The following WWOX variants were observed in gnomAD, a reference collection of about 807,000 sequenced individuals.
The protein encoded by WWOX is WW domain-containing oxidoreductase.
In WWOX, 69 loss-of-function variants were observed where a neutral mutation model predicts 46.2. That is an observed-to-expected ratio of 1.49 (90% CI 1.23 to 1.82). The LOEUF (loss-of-function observed/expected upper bound fraction) is 1.82. Among genes scored for constraint, WWOX ranks in the 40% most tolerant of loss-of-function variants. WWOX has a pLI of 0.00. For synonymous variants in WWOX, 359 were observed against 202.6 expected, an observed-to-expected ratio of 1.77 and a Z score of -6.56; for missense variants, 919 against 542.6, an observed-to-expected ratio of 1.69 and a Z score of -6.89.
intron 8 of WWOX, among the ~76,000 whole-genome samples, chr16:78,986,101 G>T (rs563407969): frequency 6.6e-6 from 1 of 152,292 alleles, no homozygotes; most frequent in South Asian, 2.1e-4. Context: ...ATGAACCGGG[G>T]CTCCGGGAGA....
At chr16:78,432,231 C>CT (rs1280861575) in intron 7 of WWOX, among the ~76,000 whole-genome samples, 1 of 151,716 alleles carries the variant, frequency 6.6e-6, no homozygotes, top group Non-Finnish European at 1.5e-5. Context: ...GATTCTCTTG[C>CT]TTCAGATTCC....
chr16:78,127,071 C>G (rs2033392921), intron 4 of WWOX, among the ~76,000 whole-genome samples: 1 of 152,188 alleles, frequency 6.6e-6, no homozygotes, highest in East Asian at 1.9e-4. Context: ...AACACTGACT[C>G]TGGAAGCAGA....
intron 8 of WWOX, among the ~76,000 whole-genome samples, chr16:78,774,433 T>C (rs1269056232): frequency 2.6e-5 from 4 of 151,850 alleles, no homozygotes; most frequent in Non-Finnish European, 5.9e-5. Context: ...TGATGATAGG[T>C]GTTGGAATCC....
intron 8 of WWOX, among the ~76,000 whole-genome samples, chr16:78,516,033 TAAG>T (rs992075974): frequency 2.0e-5 from 3 of 152,048 alleles, no homozygotes; most frequent in African/African-American, 7.2e-5. Context: ...TCCCTCTCTT[TAAG>T]GTTTTCTCAC....
intron 8 of WWOX, among the ~76,000 whole-genome samples, chr16:78,523,749 C>T (rs1463795888): frequency 2.0e-5 from 3 of 152,182 alleles, no homozygotes; most frequent in Non-Finnish European, 2.9e-5. Flanking sequence ...TACATGATGT[C>T]CAGCACAACG....
In WWOX at chr16:78,261,801, T is replaced by G. The variant is rs1400788637; in HGVS notation, c.516+97512T>G. ...CTATCTATCTATCTATATATATATA[T>G]ATATATATATATATATACTTATAAT... On this transcript the variant is annotated intron_variant, in intron 5 of 8. Transcript: ENST00000566780. Among the ~76,000 whole-genome samples, 45 of 123,290 alleles carry G rather than the reference T, an allele frequency of 3.6e-4. 1 individual carries two copies. Among genetic ancestry groups the G allele is most frequent in the Non-Finnish European group, 5.5e-4 (32 of 57,960 alleles). The allele number at this position is 123,290 out of a possible 152,430, so 80.9% of individuals were successfully genotyped here. A position where few individuals can be genotyped will look rare whatever the true frequency, so the allele number is the denominator to read the frequency against.
At chr16:78,962,285 G>C (rs2151313310) in intron 8 of WWOX, among the ~76,000 whole-genome samples, 1 of 131,418 alleles carries the variant, frequency 7.6e-6, no homozygotes, top group East Asian at 2.6e-4. Flanking sequence ...GAAGAGATTT[G>C]GAGTCAGCAA....
At chr16:79,194,815 G>C (rs150699385) in intron 8 of WWOX, among the ~76,000 whole-genome samples, 6 of 152,288 alleles carry the variant, frequency 3.9e-5, no homozygotes, top group African/African-American at 1.4e-4. Context: ...TTTCTGGAGA[G>C]AGTGCATACA....
At chr16:78,285,560 G>A (rs1355178983) in intron 5 of WWOX, among the ~76,000 whole-genome samples, 1 of 152,252 alleles carries the variant, frequency 6.6e-6, no homozygotes, top group Non-Finnish European at 1.5e-5. Context: ...TGACTGTTAA[G>A]CAAAGTCAAG....
At position 78,690,883 on chromosome 16, in the gene WWOX, T is replaced by C. The variant is rs74507688; in HGVS notation, c.1056+258131T>C. On this transcript the variant is annotated intron_variant, in intron 8 of 8. Transcript: ENST00000566780. ...ATGTTGTCTCTTAGCACCGTATCAA[T>C]ACCTGGGGGTTTTCAAATATTGCAG... Among the ~76,000 whole-genome samples, 748 of 152,328 alleles carry C rather than the reference T, an allele frequency of 4.9e-3. 3 individuals are homozygous for C. The highest frequency in any genetic ancestry group is 8.5e-3 in the Non-Finnish European group (581 of 68,022).
chr16:78,864,794 A>C (rs1473040018), intron 8 of WWOX, among the ~76,000 whole-genome samples: 2 of 103,840 alleles, frequency 1.9e-5, no homozygotes, highest in Admixed American at 1.4e-4. Context: ...AGACAGTCTC[A>C]CTCTATTGCC....
chr16:78,493,602 G>A (rs570624540), intron 8 of WWOX, among the ~76,000 whole-genome samples: 8 of 152,066 alleles, frequency 5.3e-5, no homozygotes, highest in East Asian at 1.9e-4. Context: ...TAATGACACC[G>A]CAAAAATGAA....
chr16:78,109,247 G>C (rs917424179), intron 2 of WWOX, among the ~76,000 whole-genome samples: 3 of 152,138 alleles, frequency 2.0e-5, no homozygotes, highest in Non-Finnish European at 4.4e-5. Context: ...AGCCCTTTGG[G>C]AGGCAGAGGT....
At chr16:78,312,701 C>A (rs1431218366) in intron 5 of WWOX, among the ~76,000 whole-genome samples, 1 of 152,144 alleles carries the variant, frequency 6.6e-6, no homozygotes, top group South Asian at 2.1e-4. Context: ...CTAGCAATCT[C>A]AGCAACTGTA....
chr16:78,504,300 C>G (rs2085139775), intron 8 of WWOX, among the ~76,000 whole-genome samples: 1 of 152,144 alleles, frequency 6.6e-6, no homozygotes, highest in Admixed American at 6.5e-5. Context: ...GGTTTAAAAA[C>G]AGTAAACTAA....
At chr16:78,679,642 C>G (rs1431060482) in intron 8 of WWOX, among the ~76,000 whole-genome samples, 3 of 152,216 alleles carry the variant, frequency 2.0e-5, no homozygotes, top group Admixed American at 2.0e-4. Context: ...CAGTAACAAG[C>G]TCCTATTCCT....
chr16:78,725,902 C>T (rs563674276), intron 8 of WWOX, among the ~76,000 whole-genome samples: 1 of 152,150 alleles, frequency 6.6e-6, no homozygotes, highest in Admixed American at 6.5e-5. Context: ...CTCTCTGTCT[C>T]TACTCCTTTT....
At chr16:78,147,598 G>A (rs1463941066) in intron 4 of WWOX, among the ~76,000 whole-genome samples, 1 of 151,184 alleles carries the variant, frequency 6.6e-6, no homozygotes, top group Non-Finnish European at 1.5e-5. Flanking sequence ...CTTTTCAAGA[G>A]GCAAAGTAAT....
chr16:78,623,839 A>G (rs2046246165), intron 8 of WWOX, among the ~76,000 whole-genome samples: 2 of 152,144 alleles, frequency 1.3e-5, no homozygotes, highest in Non-Finnish European at 2.9e-5. Context: ...TGGGATTCAT[A>G]CGGACATTAT....
Sources: allele counts gnomAD v4.1 joint callset (sites outside exome capture counted in the v4.1 genomes callset), GRCh38; gene constraint gnomAD v4.1.1; transcripts MANE v1.5; gene names NCBI Gene and HGNC (gene_info 2026-07-23, HGNC 2026-07-21).